The following RGS6 variants were observed in gnomAD, a reference collection of about 807,000 sequenced individuals.
The protein encoded by RGS6 is regulator of G-protein signaling 6.
In RGS6, 30 loss-of-function variants were observed where a neutral mutation model predicts 78.5. That is an observed-to-expected ratio of 0.38 (90% CI 0.29 to 0.52). The LOEUF (loss-of-function observed/expected upper bound fraction) is 0.52, where lower values mean the gene tolerates loss of function less well. RGS6 is among the 20% of genes least tolerant of loss of function. The probability of loss-of-function intolerance (pLI) is 0.85; values close to 1 mark genes in which losing one functional copy is unlikely to be tolerated. For missense variants in RGS6, 495 were observed against 609.7 expected (o/e 0.81, Z 1.98); for synonymous variants, 206 against 206.0 (o/e 1.00, Z 0.00).
chr14:72,547,441 C>A, intron 17 of RGS6: 1 of 936,298 alleles, frequency 1.1e-6, no homozygotes, highest in Non-Finnish European at 1.6e-6. Context: ...GATGCTTCCC[C>A]CTTTTAAAAT....
chr14:72,078,729 T>C (rs1397457296), intron 2 of RGS6, among the ~76,000 whole-genome samples: 4 of 152,134 alleles, frequency 2.6e-5, no homozygotes, highest in Non-Finnish European at 2.9e-5. Flanking sequence ...GGTATTTCTT[T>C]ATAGCAGTGT....
chr14:72,411,029 T>C (rs993718549), intron 3 of RGS6, among the ~76,000 whole-genome samples: 1 of 152,260 alleles, frequency 6.6e-6, no homozygotes, highest in Admixed American at 6.5e-5. Flanking sequence ...TTCTTTTGGC[T>C]TAGGATTGAC....
chr14:72,262,025 A>G (rs2058256823), intron 2 of RGS6, among the ~76,000 whole-genome samples: 1 of 152,032 alleles, frequency 6.6e-6, no homozygotes, highest in Non-Finnish European at 1.5e-5. Flanking sequence ...ACATTAACCT[A>G]CAACATCTTG....
chr14:72,479,488 C>A (rs992409288), intron 12 of RGS6, among the ~76,000 whole-genome samples: 1 of 152,166 alleles, frequency 6.6e-6, no homozygotes, highest in Non-Finnish European at 1.5e-5. Flanking sequence ...CTGTGAGAAC[C>A]AAAAATGTCT....
upstream of RGS6, among the ~76,000 whole-genome samples, chr14:71,928,685 A>G (rs887479002): frequency 3.3e-5 from 5 of 152,240 alleles, no homozygotes; most frequent in African/African-American, 4.8e-5. Context: ...CTTGATAATG[A>G]AGTAATCAAA....
chr14:72,415,656 T>C (rs1346516410), intron 3 of RGS6, among the ~76,000 whole-genome samples: 4 of 152,236 alleles, frequency 2.6e-5, no homozygotes, highest in Non-Finnish European at 4.4e-5. Flanking sequence ...AGACTGGAGC[T>C]GTTCCTATTC....
intron 2 of RGS6, among the ~76,000 whole-genome samples, chr14:72,347,694 A>G (rs1168758067): frequency 6.6e-6 from 1 of 152,136 alleles, no homozygotes; most frequent in Non-Finnish European, 1.5e-5. Context: ...TGAAAATGAA[A>G]ATCCAGGAAT....
chr14:72,273,546 T>G (rs1026336552), intron 2 of RGS6, among the ~76,000 whole-genome samples: 3 of 152,290 alleles, frequency 2.0e-5, no homozygotes, highest in Middle Eastern at 3.4e-3. Flanking sequence ...TGTTGAATAG[T>G]GCAAGGGCCC....
At chr14:71,952,247 T>G (rs535575312) in intron 1 of RGS6, among the ~76,000 whole-genome samples, 2 of 152,320 alleles carry the variant, frequency 1.3e-5, no homozygotes, top group East Asian at 3.9e-4. Context: ...TTATTAAATA[T>G]TTCTGTAAGT....
Position 71,939,834 on chromosome 14 carries a change from C to G in RGS6, c.-21+6893C>G, listed in dbSNP as rs545607677. Among the ~76,000 whole-genome samples, 8 of 152,312 alleles carry G rather than the reference C, an allele frequency of 5.3e-5. 1 individual carries two copies. In the East Asian group the frequency reaches 9.6e-4, roughly 18 times the overall value. On this transcript the variant is annotated intron_variant, in intron 1 of 17. Coordinates refer to ENST00000553525, the MANE Select transcript of RGS6 (RefSeq NM_001204424.2). The stretch of plus-strand genomic sequence containing the variant: ...GCATCTTTCAAGTCCCTGTTGGTGG[C>G]ACTAATCTCCTCAGTCCCTCCAGGC...
the RGS6 span, among the ~76,000 whole-genome samples, chr14:72,588,878 C>T: frequency 6.6e-6 from 1 of 152,152 alleles, no homozygotes; most frequent in Admixed American, 6.5e-5. Context: ...GTGTGCAGGG[C>T]CCCTGGGTGT....
intron 2 of RGS6, among the ~76,000 whole-genome samples, chr14:72,270,138 C>T (rs1595079101): frequency 1.3e-5 from 2 of 152,280 alleles, no homozygotes; most frequent in Admixed American, 1.3e-4. Flanking sequence ...GAGACCTTGA[C>T]AAATGGGGAT....
chr14:72,146,892 T>A (rs1289016412), intron 2 of RGS6, among the ~76,000 whole-genome samples: 1 of 152,228 alleles, frequency 6.6e-6, no homozygotes, highest in Non-Finnish European at 1.5e-5. Context: ...AGGCATTTGC[T>A]ACTTAGCCTA....
intron 2 of RGS6, among the ~76,000 whole-genome samples, chr14:72,066,744 A>G (rs1333469834): frequency 6.6e-6 from 1 of 151,970 alleles, no homozygotes; most frequent in Non-Finnish European, 1.5e-5. Context: ...ATACTGAATA[A>G]TTATTACACT....
At chr14:72,540,797 C>T (rs1408107206) in intron 17 of RGS6, 1 of 985,290 alleles carries the variant, frequency 1.0e-6, no homozygotes, top group Non-Finnish European at 1.2e-6. Context: ...TTGATTCTAA[C>T]AGGCTGGGTA....
chr14:72,191,462 A>C (rs1294417321), intron 2 of RGS6, among the ~76,000 whole-genome samples: 2 of 152,218 alleles, frequency 1.3e-5, no homozygotes, highest in Non-Finnish European at 2.9e-5. Flanking sequence ...TTTATAAAGG[A>C]AAAAGGTTTA....
At chr14:72,218,523 T>A (rs576118917) in intron 2 of RGS6, among the ~76,000 whole-genome samples, 1 of 152,210 alleles carries the variant, frequency 6.6e-6, no homozygotes, top group African/African-American at 2.4e-5. Flanking sequence ...AAATACAGGG[T>A]TAGGTTTCTG....
At chr14:72,145,747 T>C (rs2096599222) in intron 2 of RGS6, among the ~76,000 whole-genome samples, 1 of 152,202 alleles carries the variant, frequency 6.6e-6, no homozygotes. Flanking sequence ...CCTCCCAAAA[T>C]GCTGGGATTA....
At chr14:72,278,925 C>T (rs996411846) in intron 2 of RGS6, among the ~76,000 whole-genome samples, 3 of 152,074 alleles carry the variant, frequency 2.0e-5, no homozygotes, top group African/African-American at 4.8e-5. Flanking sequence ...GCAGTGCCCT[C>T]TTGTTGTGTG....
Sources: gnomAD v4.1 joint callset for allele counts (sites outside exome capture counted in the v4.1 genomes callset) on GRCh38, gnomAD v4.1.1 for gene constraint, MANE v1.5 for transcripts, NCBI Gene and HGNC (gene_info 2026-07-23, HGNC 2026-07-21) for gene names.